The following PCDH15 variants were observed in gnomAD, a reference collection of about 807,000 sequenced individuals.
The protein encoded by PCDH15 is protocadherin related 15.
In PCDH15, 129 loss-of-function variants were observed where a neutral mutation model predicts 178.5. That is an observed-to-expected ratio of 0.72 (90% CI 0.63 to 0.84). The LOEUF (loss-of-function observed/expected upper bound fraction) is 0.84, where lower values mean the gene tolerates loss of function less well. PCDH15 is among the 40% of genes least tolerant of loss of function. The pLI is 0.00. For missense variants in PCDH15, 2,230 were observed against 2,099.9 expected (o/e 1.06, Z -1.21); for synonymous variants, 800 against 732.0 (o/e 1.09, Z -1.50).
intron 2 of PCDH15, among the ~76,000 whole-genome samples, chr10:54,561,584 AG>A (rs952969722): frequency 2.6e-5 from 4 of 152,226 alleles, no homozygotes; most frequent in Non-Finnish European, 4.4e-5. Flanking sequence ...CTTAGATGAA[AG>A]GAATTGGTGG....
At chr10:55,440,083 C>A (rs1395960733) in intron 2 of PCDH15, among the ~76,000 whole-genome samples, 1 of 152,010 alleles carries the variant, frequency 6.6e-6, no homozygotes, top group Non-Finnish European at 1.5e-5. Flanking sequence ...ATATAAAAGA[C>A]ACATTTTACT....
rs181622097 is a variant in PCDH15 at position 55,552,786 on chromosome 10, A to G, written c.-156+74839T>C. On this transcript the variant is annotated intron_variant, in intron 2 of 5. Transcript: ENST00000613346. ...ATGGCTTTTATTATAAACTATTATA[A>G]ATATATGTACTAAAAGAGAAAAAGT... Among the ~76,000 whole-genome samples the G allele has an allele frequency of 4.6e-3, 702 of 151,326 alleles. 6 individuals are homozygous for G. Among genetic ancestry groups the G allele is most frequent in the African/African-American group, 0.016 (669 of 41,212 alleles).
At position 55,161,600 on chromosome 10, in the gene PCDH15, T is replaced by C. The variant is rs544583137; in HGVS notation, c.-80+4976A>G. On this transcript the variant is annotated intron_variant, in intron 2 of 5. Coordinates refer to the PCDH15 transcript ENST00000458638. ...TATAGAAAAACTTTGCAAACTGTTATTAGGAAGGTTATAAAACAATGTTAG... is the reference window on the plus strand; with the variant it reads ...TATAGAAAAACTTTGCAAACTGTTACTAGGAAGGTTATAAAACAATGTTAG... Among the ~76,000 whole-genome samples, 30 of 152,268 alleles carry C rather than the reference T, an allele frequency of 2.0e-4. No homozygotes were observed. The South Asian group carries it at 6.2e-3, about 32-fold the overall frequency.
intron 1 of PCDH15, among the ~76,000 whole-genome samples, chr10:55,288,293 C>T (rs571102909): frequency 3.3e-5 from 5 of 150,696 alleles, no homozygotes; most frequent in African/African-American, 7.3e-5. Context: ...CAAAATTAAA[C>T]GTATTGTAGG....
chr10:54,010,389 C>G (rs1231421151), intron 20 of PCDH15, among the ~76,000 whole-genome samples: 2 of 152,116 alleles, frequency 1.3e-5, no homozygotes, highest in Non-Finnish European at 2.9e-5. Flanking sequence ...GACAGAGCTC[C>G]CAGAGGGCAA....
At chr10:53,823,792 C>G (rs1403603038) in intron 32 of PCDH15, 1 of 456,610 alleles carries the variant, frequency 2.2e-6, no homozygotes, top group Non-Finnish European at 4.4e-6. Context: ...GTATCTGATT[C>G]AGTACTTCTG....
At chr10:54,135,894 G>T (rs925326521) in intron 14 of PCDH15, among the ~76,000 whole-genome samples, 3 of 151,992 alleles carry the variant, frequency 2.0e-5, no homozygotes, top group Admixed American at 1.3e-4. Flanking sequence ...GCATAAAGAT[G>T]AAATAAGTTT....
At chr10:55,466,725 C>G (rs1012727849) in intron 2 of PCDH15, among the ~76,000 whole-genome samples, 3 of 152,150 alleles carry the variant, frequency 2.0e-5, no homozygotes, top group African/African-American at 4.8e-5. Context: ...CAGGAAGGAA[C>G]TGAAATCACC....
At chr10:54,956,702 C>G (rs924662250) in intron 2 of PCDH15, among the ~76,000 whole-genome samples, 3 of 151,438 alleles carry the variant, frequency 2.0e-5, no homozygotes, top group Non-Finnish European at 4.4e-5. Context: ...TTATCCAGGA[C>G]TATTTAGTAG....
chr10:55,147,995 C>T (rs940393888), intron 2 of PCDH15, among the ~76,000 whole-genome samples: 7 of 151,792 alleles, frequency 4.6e-5, no homozygotes, highest in Admixed American at 1.3e-4. Context: ...GGGGAAAATA[C>T]CCTTTCTTCC....
At chr10:54,835,408 A>G (rs930835912) in intron 3 of PCDH15, among the ~76,000 whole-genome samples, 2 of 152,002 alleles carry the variant, frequency 1.3e-5, no homozygotes, top group African/African-American at 4.8e-5. Context: ...CTCCTTCTCC[A>G]TCTCTCTTTC....
intron 1 of PCDH15, among the ~76,000 whole-genome samples, chr10:54,700,008 T>C (rs1313047412): frequency 6.6e-6 from 1 of 152,016 alleles, no homozygotes; most frequent in Non-Finnish European, 1.5e-5. Context: ...ACCTCTCCAT[T>C]GCAGCAGGTT....
chr10:54,312,104 T>C (rs2060947654), intron 8 of PCDH15, among the ~76,000 whole-genome samples: 1 of 152,050 alleles, frequency 6.6e-6, no homozygotes, highest in African/African-American at 2.4e-5. Flanking sequence ...ACATGTTCTG[T>C]TTAGCTGACA....
chr10:54,176,036 T>A (rs992826106), intron 13 of PCDH15, among the ~76,000 whole-genome samples: 1 of 152,090 alleles, frequency 6.6e-6, no homozygotes, highest in Non-Finnish European at 1.5e-5. Context: ...AAGTTAGAGA[T>A]CATCTCGGGA....
chr10:54,233,859 T>C (rs1014448146), intron 9 of PCDH15, among the ~76,000 whole-genome samples: 6 of 152,198 alleles, frequency 3.9e-5, no homozygotes, highest in African/African-American at 1.4e-4. Context: ...TTTTGGCTAG[T>C]CAATAATTCT....
chr10:53,926,885 A>G (rs6481044), intron 25 of PCDH15, among the ~76,000 whole-genome samples: 11,050 of 152,258 alleles, frequency 0.073, 461 homozygotes, highest in East Asian at 0.1. Context: ...CCACCAGGAT[A>G]GAAACTTCTT....
intron 1 of PCDH15, among the ~76,000 whole-genome samples, chr10:54,731,541 G>GATATATATATATAT (rs1227921777): frequency 0.033 from 2,275 of 68,184 alleles, 351 homozygotes; most frequent in Middle Eastern, 0.094. Context: ...GAAAATGTGA[G>GATATATATATATAT]ATAGATATAT....
intron 25 of PCDH15, 137 bp from the exon 26 acceptor site, chr10:53,903,507 G>A: frequency 1.1e-6 from 1 of 918,564 alleles, no homozygotes. Flanking sequence ...GCCATGCCTA[G>A]CACCCCCAAA....
chr10:54,176,425 T>C (rs1240199431), intron 13 of PCDH15, among the ~76,000 whole-genome samples: 4 of 152,264 alleles, frequency 2.6e-5, no homozygotes, highest in African/African-American at 9.6e-5. Flanking sequence ...GTGTTAAAGA[T>C]TTTCTTTTTT....
Sources: gnomAD v4.1 joint callset for allele counts (sites outside exome capture counted in the v4.1 genomes callset) on GRCh38, gnomAD v4.1.1 for gene constraint, MANE v1.5 for transcripts, NCBI Gene and HGNC (gene_info 2026-07-23, HGNC 2026-07-21) for gene names.